ARL15: variants seen among roughly 807,000 people sequenced by gnomAD.
The protein encoded by ARL15 is ARF like GTPase 15.
Under a neutral mutation model 25.2 loss-of-function variants are expected in ARL15, and 19 were observed. The observed-to-expected ratio is 0.75, with a 90% CI of 0.53 to 1.10. ARL15 has a LOEUF of 1.10. ARL15 is among the 50% of genes least tolerant of loss of function. ARL15 has a pLI of 0.00. For synonymous variants in ARL15, 94 were observed against 86.8 expected (o/e 1.08, Z -0.46); for missense variants, 220 against 246.0 (o/e 0.89, Z 0.71).
intron 1 of ARL15, among the ~76,000 whole-genome samples, chr5:54,206,245 C>T (rs1347938185): frequency 1.3e-5 from 2 of 152,126 alleles, no homozygotes; most frequent in Non-Finnish European, 2.9e-5. Context: ...GAAAAGGGTG[C>T]CAGTAGGATC....
intron 4 of ARL15, among the ~76,000 whole-genome samples, chr5:53,938,350 G>T (rs1419116457): frequency 6.6e-6 from 1 of 152,044 alleles, no homozygotes; most frequent in Non-Finnish European, 1.5e-5. Flanking sequence ...CTACTTTAGG[G>T]AACTTCCCTA....
At chr5:54,249,593 C>T (rs1441219665) in intron 1 of ARL15, among the ~76,000 whole-genome samples, 1 of 149,050 alleles carries the variant, frequency 6.7e-6, no homozygotes, top group Non-Finnish European at 1.5e-5. Context: ...CAAGAATTCC[C>T]ATCTCTAGTT....
chr5:53,979,010 T>A (rs1379778309), intron 4 of ARL15, among the ~76,000 whole-genome samples: 2 of 152,186 alleles, frequency 1.3e-5, no homozygotes, highest in African/African-American at 4.8e-5. Context: ...ATGGCTACAT[T>A]AAGAGACTTT....
At chr5:54,039,799 C>CT (rs1376866713) in intron 4 of ARL15, among the ~76,000 whole-genome samples, 8 of 27,132 alleles carry the variant, frequency 2.9e-4, no homozygotes, top group Admixed American at 2.3e-3. Flanking sequence ...AAGACTCTGT[C>CT]TAAAAAAAAA....
intron 4 of ARL15, among the ~76,000 whole-genome samples, chr5:53,985,071 C>T (rs1299492990): frequency 6.6e-6 from 1 of 152,192 alleles, no homozygotes; most frequent in East Asian, 1.9e-4. Context: ...GGAACAACTA[C>T]ATAGCCAGAT....
chr5:54,115,812 G>T (rs56300349), intron 3 of ARL15, among the ~76,000 whole-genome samples: 2,886 of 152,246 alleles, frequency 0.019, 91 homozygotes, highest in African/African-American at 0.064. Context: ...TTAAGCCAGA[G>T]ATTATTTAAT....
chr5:54,058,116 C>G (rs1750944815), intron 4 of ARL15, among the ~76,000 whole-genome samples: 1 of 151,986 alleles, frequency 6.6e-6, no homozygotes, highest in Admixed American at 6.6e-5. Context: ...AGTGATTCCC[C>G]TGCCTCAGCC....
chr5:54,232,534 G>A (rs1160986509), intron 1 of ARL15, among the ~76,000 whole-genome samples: 2 of 152,108 alleles, frequency 1.3e-5, no homozygotes, highest in African/African-American at 2.4e-5. Context: ...AGGCTGCACA[G>A]GAGAAAGCAG....
chr5:54,108,098 G>C (rs1752641176), intron 4 of ARL15, among the ~76,000 whole-genome samples: 1 of 152,038 alleles, frequency 6.6e-6, no homozygotes, highest in African/African-American at 2.4e-5. Context: ...CTTAAAAGTT[G>C]CTCTTCAAAA....
At chr5:54,163,447 G>A (rs778226474) in intron 2 of ARL15, among the ~76,000 whole-genome samples, 35 of 122,632 alleles carry the variant, frequency 2.9e-4, no homozygotes, top group Non-Finnish European at 8.0e-5. Context: ...TTAGGAGTTG[G>A]GGCATTTTTC....
At chr5:54,280,693 T>C (rs1448067290) in intron 1 of ARL15, among the ~76,000 whole-genome samples, 6 of 152,248 alleles carry the variant, frequency 3.9e-5, no homozygotes, top group Admixed American at 3.3e-4. Flanking sequence ...CACATACATA[T>C]GTTCTTCTGT....
At chr5:54,091,714 G>T (rs916635688) in intron 4 of ARL15, among the ~76,000 whole-genome samples, 5 of 152,050 alleles carry the variant, frequency 3.3e-5, no homozygotes, top group African/African-American at 1.2e-4. Context: ...TTTTGGCACA[G>T]ACCTTTGGAG....
intron 3 of ARL15, among the ~76,000 whole-genome samples, chr5:54,131,506 T>C (rs1261956458): frequency 6.6e-6 from 1 of 152,194 alleles, no homozygotes; most frequent in Non-Finnish European, 1.5e-5. Flanking sequence ...TGTATTTGTA[T>C]ATAATCTTTT....
intron 4 of ARL15, among the ~76,000 whole-genome samples, chr5:54,029,324 C>CACCACCACT (rs1203773434): frequency 8.8e-4 from 103 of 116,500 alleles, no homozygotes; most frequent in Non-Finnish European, 1.6e-3. Context: ...CCACCACCAC[C>CACCACCACT]ACCACCACTA....
intron 1 of ARL15, among the ~76,000 whole-genome samples, chr5:54,299,574 T>C (rs1389164196): frequency 3.4e-5 from 5 of 148,646 alleles, no homozygotes; most frequent in African/African-American, 1.2e-4. Flanking sequence ...CAATAAATGT[T>C]AGCTATTAGC....
chr5:54,203,087 T>C (rs1755766461), intron 1 of ARL15, among the ~76,000 whole-genome samples: 1 of 152,154 alleles, frequency 6.6e-6, no homozygotes, highest in Non-Finnish European at 1.5e-5. Flanking sequence ...AATCCTAGCT[T>C]GTTTTCTCCT....
At chr5:53,985,836 C>G (rs868423596) in intron 4 of ARL15, among the ~76,000 whole-genome samples, 2 of 152,022 alleles carry the variant, frequency 1.3e-5, no homozygotes, top group Admixed American at 1.3e-4. Flanking sequence ...GTAGAGCAAC[C>G]GACAAAATTA....
At chr5:53,889,607 G>A (rs907997327) in intron 4 of ARL15, among the ~76,000 whole-genome samples, 1 of 152,134 alleles carries the variant, frequency 6.6e-6, no homozygotes, top group Non-Finnish European at 1.5e-5. Flanking sequence ...TCACTCCACT[G>A]GTATCCACAG....
intron 1 of ARL15, among the ~76,000 whole-genome samples, chr5:54,211,767 C>T (rs1336061456): frequency 4.6e-5 from 7 of 151,826 alleles, no homozygotes; most frequent in African/African-American, 7.3e-5. Context: ...CCACCGTGAC[C>T]GGCCAAATGA....
Sources: allele counts gnomAD v4.1 joint callset (sites outside exome capture counted in the v4.1 genomes callset), GRCh38; gene constraint gnomAD v4.1.1; transcripts MANE v1.5; gene names NCBI Gene and HGNC (gene_info 2026-07-23, HGNC 2026-07-21).